The following CSMD1 variants were observed in gnomAD, a reference collection of about 807,000 sequenced individuals.
CSMD1 encodes CUB and sushi domain-containing protein 1.
In CSMD1, 213 loss-of-function variants were observed where a neutral mutation model predicts 417.5. The ratio of observed to expected loss-of-function variants is 0.51; its 90% CI spans 0.46 to 0.57. The LOEUF is 0.57. CSMD1 is among the 20% of genes least tolerant of loss of function. CSMD1 has a pLI of 0.00. For missense variants in CSMD1, 6,923 were observed against 4,529.7 expected, an observed-to-expected ratio of 1.53 and a Z score of -15.17; for synonymous variants, 2,862 against 1,736.8, an observed-to-expected ratio of 1.65 and a Z score of -16.11.
At chr8:3,509,965 T>C (rs1482752712) in intron 10 of CSMD1, among the ~76,000 whole-genome samples, 1 of 152,170 alleles carries the variant, frequency 6.6e-6, no homozygotes, top group Non-Finnish European at 1.5e-5. Context: ...GTTTCTTACT[T>C]GGTAAGTGTG....
chr8:3,852,535 G>C (rs1171143934), intron 5 of CSMD1, among the ~76,000 whole-genome samples: 2 of 152,150 alleles, frequency 1.3e-5, no homozygotes, highest in African/African-American at 4.8e-5. Context: ...CATAGTAGAT[G>C]GTGTTAGGGA....
At position 4,447,234 on chromosome 8, in the gene CSMD1, G is replaced by T. The variant is rs148013755; in HGVS notation, c.303-27169C>A. On this transcript the variant is annotated intron_variant, in intron 2 of 69. Coordinates refer to ENST00000635120, the MANE Select transcript of CSMD1 (RefSeq NM_033225.6). ...AATATACATGACAAAGTTCTTGCCT[G>T]ATGGATGCTTACGTTATAGCAGGTT... Among the ~76,000 whole-genome samples, 899 of 152,312 alleles carry T rather than the reference G, an allele frequency of 5.9e-3. 10 individuals are homozygous for T. Among genetic ancestry groups the T allele is most frequent in the African/African-American group, 0.02 (850 of 41,558 alleles).
At chr8:3,935,917 C>T (rs977462419) in intron 5 of CSMD1, among the ~76,000 whole-genome samples, 2 of 152,078 alleles carry the variant, frequency 1.3e-5, no homozygotes, top group African/African-American at 2.4e-5. Context: ...AAAACTAAGC[C>T]TCCTGCACTA....
At chr8:3,308,194 C>T (rs1805037358) in intron 24 of CSMD1, 118 bp downstream of exon 24, 7 of 778,418 alleles carry the variant, frequency 9.0e-6, no homozygotes, top group East Asian at 5.4e-5. Flanking sequence ...ACATAAAACT[C>T]ACACTGGAAA....
Position 4,493,572 on chromosome 8 carries a change from C to T in CSMD1, c.303-73507G>A, listed in dbSNP as rs114965701. 7.0e-3 allele frequency among the ~76,000 whole-genome samples: 1,069 copies of T among 152,184 alleles called. 8 individuals carry two copies. The highest frequency in any genetic ancestry group is 0.017 in the Middle Eastern group (5 of 294). ...AACATTAGCCAGGCAATGGGGCATG[C>T]ACCTGTAGTCCCGGCTACTAGCTGA... On this transcript the variant is annotated intron_variant, in intron 2 of 69. Coordinates refer to ENST00000635120, the MANE Select transcript of CSMD1 (RefSeq NM_033225.6).
chr8:3,815,525 T>C (rs939120468), intron 5 of CSMD1, among the ~76,000 whole-genome samples: 3 of 149,376 alleles, frequency 2.0e-5, no homozygotes, highest in Non-Finnish European at 4.4e-5. Context: ...AAACAAGATA[T>C]CAAACAAAAT....
At position 2,974,499 on chromosome 8, in the gene CSMD1, C is replaced by G. The variant is rs780476867; in HGVS notation, c.8692G>C (p.Val2898Leu). The G allele has an allele frequency of 3.7e-6, 6 of 1,613,484 alleles. No homozygotes were observed. Among genetic ancestry groups the G allele is most frequent in the African/African-American group, 1.3e-5 (1 of 74,954 alleles). ...SESLIGNDTR[V>L]CQEDSHWSGA... ...CTCCAGTGACTGTCTTCCTGGCACACTCTCGTGTCGTTGCCTATGAGGCTC... is the reference window on the plus strand; with the variant it reads ...CTCCAGTGACTGTCTTCCTGGCACAGTCTCGTGTCGTTGCCTATGAGGCTC... The change falls in exon 56 of 70, where the codon GTG becomes CTG. Residue 2898 changes from valine (V) to leucine (L), a missense_variant. Val to Leu is a conservative substitution (Grantham distance 32, BLOSUM62 1). Coordinates refer to ENST00000635120, the MANE Select transcript of CSMD1 (RefSeq NM_033225.6).
intron 12 of CSMD1, among the ~76,000 whole-genome samples, chr8:3,461,524 ATC>A (rs1816503276): frequency 6.6e-6 from 1 of 152,144 alleles, no homozygotes; most frequent in African/African-American, 2.4e-5. Context: ...CTGCTCCCCG[ATC>A]TCTCAAATTA....
intron 23 of CSMD1, among the ~76,000 whole-genome samples, chr8:3,331,043 T>C (rs2730042): frequency 6.6e-6 from 1 of 151,822 alleles, no homozygotes; most frequent in African/African-American, 2.4e-5. Context: ...CAGGTCAGGA[T>C]ATCGAGACCA....
At chr8:4,372,582 A>C (rs1207575653) in intron 3 of CSMD1, among the ~76,000 whole-genome samples, 1 of 151,936 alleles carries the variant, frequency 6.6e-6, no homozygotes, top group Non-Finnish European at 1.5e-5. Context: ...GGTTTGAGGT[A>C]CACTTAAAAC....
chr8:3,142,760 G>T, intron 40 of CSMD1, 86 bp from the exon 41 acceptor site: 1 of 1,110,146 alleles, frequency 9.0e-7, no homozygotes, highest in Non-Finnish European at 1.4e-6. Flanking sequence ...AGTGTTAGCA[G>T]TCTCCCCAGA....
intron 1 of CSMD1, among the ~76,000 whole-genome samples, chr8:4,989,242 C>T (rs573288469): frequency 6.6e-6 from 1 of 151,934 alleles, no homozygotes; most frequent in Non-Finnish European, 1.5e-5. Flanking sequence ...ATTTCTTTGG[C>T]TCAGGTTGCA....
In CSMD1 at chr8:4,056,466, C is replaced by G. The variant is rs560630413; in HGVS notation, c.416-24367G>C. Reference sequence around the variant, plus strand: ...AATTTATTTATGATATTAAAATACACAAATAGTTTCCGGGGCTGAGAGTCC... The same window carrying G: ...AATTTATTTATGATATTAAAATACAGAAATAGTTTCCGGGGCTGAGAGTCC... On this transcript the variant is annotated intron_variant, in intron 3 of 69. Transcript: ENST00000635120. Among the ~76,000 whole-genome samples, 8 of 151,098 alleles carry G rather than the reference C, an allele frequency of 5.3e-5. No individual in the cohort carries two copies. The South Asian group carries it at 1.0e-3, about 20-fold the overall frequency.
At chr8:4,623,842 T>G (rs2725022) in intron 2 of CSMD1, among the ~76,000 whole-genome samples, 89,127 of 151,552 alleles carry the variant, frequency 0.59, 27,236 homozygotes, top group African/African-American at 0.76. Context: ...GCAACAAAAC[T>G]TAGAACACAG....
At chr8:4,973,524 T>G (rs750326015) in intron 1 of CSMD1, among the ~76,000 whole-genome samples, 5 of 152,180 alleles carry the variant, frequency 3.3e-5, no homozygotes, top group Non-Finnish European at 7.3e-5. Context: ...TTCTATAGAA[T>G]CCTACAGTTT....
At chr8:3,534,727 A>G (rs995843789) in intron 10 of CSMD1, among the ~76,000 whole-genome samples, 4 of 152,180 alleles carry the variant, frequency 2.6e-5, no homozygotes, top group Non-Finnish European at 5.9e-5. Context: ...TTAAGCAACA[A>G]CTGCATAAGC....
At chr8:4,518,525 C>T (rs1294603316) in intron 2 of CSMD1, among the ~76,000 whole-genome samples, 1 of 150,442 alleles carries the variant, frequency 6.6e-6, no homozygotes, top group South Asian at 2.1e-4. Flanking sequence ...GACAAAAAAC[C>T]AAACACCGCG....
chr8:4,100,284 G>C (rs767038013), intron 3 of CSMD1, among the ~76,000 whole-genome samples: 4 of 152,086 alleles, frequency 2.6e-5, no homozygotes, highest in Admixed American at 2.6e-4. Context: ...CATCCTTTTT[G>C]TATCTTATTA....
intron 12 of CSMD1, among the ~76,000 whole-genome samples, chr8:3,453,645 A>T (rs945829644): frequency 4.6e-5 from 7 of 152,084 alleles, no homozygotes; most frequent in Non-Finnish European, 1.0e-4. Flanking sequence ...TTAATCCTGA[A>T]TTGTAGTTTT....
Sources: allele counts gnomAD v4.1 joint callset (sites outside exome capture counted in the v4.1 genomes callset), GRCh38; gene constraint gnomAD v4.1.1; transcripts MANE v1.5; gene names NCBI Gene and HGNC (gene_info 2026-07-23, HGNC 2026-07-21).